The following RPL3 variants were observed in gnomAD, a reference collection of about 807,000 sequenced individuals.
The protein encoded by RPL3 is ribosomal protein L3.
A neutral mutation model predicts 46.0 loss-of-function variants in RPL3; 3 were observed. The observed-to-expected ratio is 0.07, with a 90% CI of 0.03 to 0.17. The LOEUF (loss-of-function observed/expected upper bound fraction) is 0.17. Among genes scored for constraint, RPL3 ranks in the 10% least tolerant of loss-of-function variants. RPL3 has a pLI of 1.00. For synonymous variants in RPL3, 224 were observed against 190.8 expected, an observed-to-expected ratio of 1.17 and a Z score of -1.43; for missense variants, 387 against 532.7, an observed-to-expected ratio of 0.73 and a Z score of 2.69.
At chr22:39,317,712 T>C in intron 2 of RPL3, 83 bp from the exon 3 acceptor site, 1 of 1,536,322 alleles carries the variant, frequency 6.5e-7, no homozygotes, top group Non-Finnish European at 8.9e-7. Context: ...AAAGTGCCCA[T>C]TTAGGCCGGA....
intron 1 of RPL3, chr22:39,319,140 G>A (rs1375199877): frequency 1.8e-6 from 1 of 542,066 alleles, no homozygotes; most frequent in Non-Finnish European, 3.7e-6. Flanking sequence ...GAGGCCTTCG[G>A]AGTGCACCAG....
chr22:39,317,356 A>T, intron 3 of RPL3, 105 bp downstream of exon 3: 1 of 1,335,240 alleles, frequency 7.5e-7, no homozygotes. Flanking sequence ...AACCCAAGAC[A>T]GCAGCTCCCT....
At chr22:39,315,680 T>A in intron 4 of RPL3, 125 bp from the exon 5 acceptor site, 1 of 1,054,218 alleles carries the variant, frequency 9.5e-7, no homozygotes, top group Non-Finnish European at 1.4e-6. Context: ...TCTGAACAAG[T>A]CACTGAACCT....
Position 39,317,445 on chromosome 22 carries a change from T to C in RPL3, c.365+16A>G. The C allele has an allele frequency of 6.2e-7, 1 of 1,609,948 alleles. No homozygotes were observed. The stretch of plus-strand genomic sequence containing the variant: ...CCAAGCTCCCAAGCTAGGGACTGCA[T>C]GGCCTCCTCCCTTACCAATTCTTAT... On this transcript the variant is annotated intron_variant, in intron 3 of 9. Transcript: ENST00000216146.
At position 39,316,850 on chromosome 22, in the gene RPL3, G is replaced by A; in HGVS notation, c.366-9C>T. On this transcript the variant is annotated splice_polypyrimidine_tract_variant and intron_variant, in intron 3 of 9. Transcript: ENST00000216146. ...TCTTCTTAGATTTATGCCTTCAGGA[G>A]CAGAGCAGAGTTGGGGAGGGGACCA... 1.2e-6 allele frequency: 2 copies of A among 1,613,694 alleles called. No individual in the cohort carries two copies. Among genetic ancestry groups the A allele is most frequent in the Non-Finnish European group, 1.7e-6 (2 of 1,180,018 alleles).
chr22:39,318,635 G>C, intron 1 of RPL3, 43 bp from the exon 2 acceptor site: 6 of 1,513,994 alleles, frequency 4.0e-6, no homozygotes, highest in Middle Eastern at 1.7e-4. Flanking sequence ...AACCAAAGCA[G>C]TGCCCCCTTC....
rs1230377891 is a variant in RPL3 at position 39,319,582 on chromosome 22, T to C, written c.3+13A>G. The C allele has an allele frequency of 1.9e-6, 3 of 1,569,614 alleles. No homozygotes were observed. The South Asian group carries it at 3.5e-5, about 18-fold the overall frequency. ...GCCGGTGACAATGAAACGGCCGCCA[T>C]TACAACACATACCATCACGCCATCA... On this transcript the variant is annotated intron_variant, in intron 1 of 9. Transcript: ENST00000216146.
intron 5 of RPL3, 173 bp downstream of exon 5, chr22:39,315,196 C>T (rs750066702): frequency 9.9e-7 from 1 of 1,007,708 alleles, no homozygotes; most frequent in Non-Finnish European, 1.6e-6. Flanking sequence ...GCTATCCCAG[C>T]CACTTCTGAC....
Position 39,313,983 on chromosome 22 carries a change from G to A in RPL3, c.951+124C>T, listed in dbSNP as rs151106216. 1.2e-4 allele frequency: 111 copies of A among 891,698 alleles called. No individual in the cohort carries two copies. In the East Asian group the frequency reaches 2.5e-3, roughly 20 times the overall value. The allele number at this position is 891,698 out of a possible 1,614,324, so 55.2% of individuals were successfully genotyped here. A position where few individuals can be genotyped will look rare whatever the true frequency, so the allele number is the denominator to read the frequency against. ...TCAGATGACAACATGCCACTTACAA[G>A]GGACACAGCTAGGTGTTGTGTTGGC... On this transcript the variant is annotated intron_variant, in intron 7 of 9. Coordinates refer to ENST00000216146, the MANE Select transcript of RPL3 (RefSeq NM_000967.4).
chr22:39,313,142 G>T, intron 9 of RPL3, 49 bp downstream of exon 9: 1 of 1,599,502 alleles, frequency 6.3e-7, no homozygotes, highest in Non-Finnish European at 8.5e-7. Context: ...AAGGCAGGCG[G>T]CTGCCCAAGC....
chr22:39,314,722 C>T lies in RPL3; in HGVS notation c.813G>A (p.Gln271=). ...TCTCAGTGCGGTGATGGTAGCCTTT[C>T]TGCCCAGCGCGTGCCACAGAGAAGG... ...RVAFSVARAG[Q]KGYHHRTEIN... The change falls in exon 6 of 10, where the codon CAG becomes CAA. Residue 271 remains glutamine (Q), a synonymous_variant. Coordinates refer to ENST00000216146, the MANE Select transcript of RPL3 (RefSeq NM_000967.4). The T allele has an allele frequency of 6.2e-7, 1 of 1,613,614 alleles. No homozygotes were observed. Among genetic ancestry groups the T allele is most frequent in the Non-Finnish European group, 8.5e-7 (1 of 1,179,978 alleles).
In RPL3 at chr22:39,319,594, C is replaced by A; in HGVS notation, c.3+1G>T. Reference sequence around the variant, plus strand: ...GAAACGGCCGCCATTACAACACATACCATCACGCCATCAAATCCCGCCGGT... The same window carrying A: ...GAAACGGCCGCCATTACAACACATAACATCACGCCATCAAATCCCGCCGGT... On this transcript the variant is annotated splice_donor_variant, in intron 1 of 9. Transcript: ENST00000216146. LOFTEE classifies it high-confidence loss of function. 1 of 1,557,358 alleles carries A rather than the reference C, an allele frequency of 6.4e-7. No individual in the cohort carries two copies.
In RPL3 at chr22:39,313,057, A is replaced by G. The variant is rs149233924; in HGVS notation, c.1168-73T>C. The G allele has an allele frequency of 1.6e-4, 253 of 1,609,862 alleles. 2 individuals carry two copies. The African/African-American group carries it at 2.8e-3, about 18-fold the overall frequency. On this transcript the variant is annotated intron_variant, in intron 9 of 9. Transcript: ENST00000216146. ...GCAGATGCCCACTCTAGAGGAGACC[A>G]AGACTCTGGGCCAGTCTCCACAGCC...
intron 3 of RPL3, 81 bp from the exon 4 acceptor site, chr22:39,316,922 T>A (rs767049676): frequency 1.9e-6 from 3 of 1,603,320 alleles, no homozygotes; most frequent in Non-Finnish European, 2.6e-6. Flanking sequence ...GAAGGCACAC[T>A]GGCACCGCGT....
chr22:39,316,667 T>C (rs756573252), intron 4 of RPL3, 39 bp downstream of exon 4: 6 of 1,611,560 alleles, frequency 3.7e-6, no homozygotes, highest in Non-Finnish European at 5.1e-6. Context: ...TCACTTCTAC[T>C]AAGTGGCAGG....
At chr22:39,313,824 T>TCTC in intron 7 of RPL3, 95 bp from the exon 8 acceptor site, 1 of 1,158,656 alleles carries the variant, frequency 8.6e-7, no homozygotes, top group Non-Finnish European at 1.3e-6. Flanking sequence ...ACAGGGCTGT[T>TCTC]CTCAGAAGGA....
chr22:39,314,344 C>G, intron 6 of RPL3, 136 bp from the exon 7 acceptor site: 1 of 765,416 alleles, frequency 1.3e-6, no homozygotes, highest in Non-Finnish European at 2.1e-6. Flanking sequence ...AAGGTCAGAG[C>G]AAAAAGCTGG....
At chr22:39,319,106 C>A (rs760196713) in intron 1 of RPL3, 1 of 538,884 alleles carries the variant, frequency 1.9e-6, no homozygotes, top group Non-Finnish European at 3.8e-6. Context: ...ATAAGTTCAT[C>A]ATCTGTGGTT....
chr22:39,313,578 G>A lies in RPL3; in HGVS notation c.1047+56C>T, dbSNP rs909684. 2,164 of 1,542,048 alleles carry A rather than the reference G, an allele frequency of 1.4e-3. 30 individuals carry two copies. The African/African-American group carries it at 0.025, about 18-fold the overall frequency. On this transcript the variant is annotated intron_variant, in intron 8 of 9. Transcript: ENST00000216146. ...CACCACAGGGCCACCAGCGTCTGTGGCCTTGGATCCTCCCTCTACAAGAGC... is the reference window on the plus strand; with the variant it reads ...CACCACAGGGCCACCAGCGTCTGTGACCTTGGATCCTCCCTCTACAAGAGC...
Sources: allele counts gnomAD v4.1 joint callset, GRCh38; gene constraint gnomAD v4.1.1; transcripts MANE v1.5; gene names NCBI Gene and HGNC (gene_info 2026-07-23, HGNC 2026-07-21).